PIN4: variants seen among roughly 807,000 people sequenced by gnomAD.
PIN4 encodes peptidyl-prolyl cis-trans isomerase NIMA-interacting 4.
PIN4 carries 3 observed loss-of-function variants against 8.3 expected under a neutral mutation model. The observed-to-expected ratio is 0.36, with a 90% CI of 0.16 to 0.93. The LOEUF (loss-of-function observed/expected upper bound fraction) is 0.93. Ranked by LOEUF, PIN4 falls within the 40% of genes least tolerant of loss-of-function variation. The pLI is 0.44. For missense variants in PIN4, 75 were observed against 100.6 expected (o/e 0.75, Z 1.09); for synonymous variants, 18 against 32.5 (o/e 0.55, Z 1.52).
chrX:72,197,713 A>C lies in PIN4; in HGVS notation c.*187A>C, dbSNP rs1349141102. The C allele has an allele frequency of 9.0e-6, 9 of 1,002,172 alleles. No individual in the cohort carries two copies. Among genetic ancestry groups the C allele is most frequent in the Non-Finnish European group, 1.1e-5 (9 of 791,300 alleles). 82.6% of individuals were successfully genotyped at this position (1,002,172 alleles called of 1,213,427 possible). ...TGTAAGAGAGGGTGGGGCTAAGTGA[A>C]TGTCAACTGTAGTAGGTATTCAGTC... On this transcript the variant is annotated 3_prime_UTR_variant, in exon 4 of 4. Transcript: ENST00000373669.
intron 3 of PIN4, among the ~76,000 whole-genome samples, chrX:72,259,363 C>T (rs969292706): frequency 4.6e-5 from 5 of 108,560 alleles, no homozygotes; most frequent in East Asian, 2.9e-4. Flanking sequence ...GGATTACAGG[C>T]GCCCACCACC....
At chrX:72,221,373 A>T (rs982939376) in intron 3 of PIN4, among the ~76,000 whole-genome samples, 5 of 111,981 alleles carry the variant, frequency 4.5e-5, no homozygotes, top group African/African-American at 1.6e-4. Flanking sequence ...AAAAGCTAGA[A>T]GAAATCTTGG....
Position 72,214,685 on chromosome X carries a change from A to AC in PIN4, c.312+17781_312+17782insC, listed in dbSNP as rs1415299291. On this transcript the variant is annotated intron_variant, in intron 3 of 3. Transcript: ENST00000423432. ...GAGACTCCATCTCAAAAAAAAAAAAAAAAACAAAACAAAAGTTTAGGCCAG... is the reference window on the plus strand; with the variant it reads ...GAGACTCCATCTCAAAAAAAAAAAAACAAAACAAAACAAAAGTTTAGGCCAG... 2.3e-3 allele frequency among the ~76,000 whole-genome samples: 239 copies of AC among 103,575 alleles called. 1 individual carries two copies. The highest frequency in any genetic ancestry group is 7.7e-3 in the African/African-American group (215 of 28,102). 89.9% of individuals were successfully genotyped at this position (103,575 alleles called of 115,157 possible).
At chrX:72,202,106 T>C (rs2042792279), downstream of PIN4, among the ~76,000 whole-genome samples, 1 of 112,906 alleles carries the variant, frequency 8.9e-6, no homozygotes, top group South Asian at 3.6e-4. Context: ...AGCCTTATGT[T>C]CCCTGCCTCC....
At chrX:72,190,121 A>G (rs2042724403) in intron 2 of PIN4, among the ~76,000 whole-genome samples, 1 of 109,546 alleles carries the variant, frequency 9.1e-6, no homozygotes, top group Non-Finnish European at 1.9e-5. Context: ...TAATCTCCCC[A>G]CTTTCTCCTA....
At chrX:72,190,606 A>C (rs746266814) in intron 2 of PIN4, among the ~76,000 whole-genome samples, 2 of 111,546 alleles carry the variant, frequency 1.8e-5, no homozygotes, top group Non-Finnish European at 3.8e-5. Context: ...ATATTTGCTT[A>C]TAGATGAACT....
intron 1 of PIN4, chrX:72,186,100 T>A: frequency 3.7e-6 from 1 of 267,911 alleles, no homozygotes; most frequent in Non-Finnish European, 6.9e-6. Flanking sequence ...CTTGATGTTG[T>A]AAAGCAAGCT....
At chrX:72,208,034 G>C in intron 3 of PIN4, 1 of 1,211,645 alleles carries the variant, frequency 8.3e-7, no homozygotes, top group South Asian at 1.8e-5. Context: ...GGAATAGCAC[G>C]AGCACATATT....
intron 3 of PIN4, among the ~76,000 whole-genome samples, chrX:72,259,693 A>AAC (rs1391232263): frequency 9.3e-6 from 1 of 107,550 alleles, no homozygotes; most frequent in Non-Finnish European, 1.9e-5. Flanking sequence ...GGGGGTTTTG[A>AAC]ACACTGGTAC....
In PIN4 at chrX:72,205,326, G is replaced by A. The variant is rs140206006; in HGVS notation, c.312+8422G>A. Reference sequence around the variant, plus strand: ...TGTTTTCTGAAGACAGTGTTTCTCCGGAAGGATCCTCTTCTGTATACTTGG... The same window carrying A: ...TGTTTTCTGAAGACAGTGTTTCTCCAGAAGGATCCTCTTCTGTATACTTGG... On this transcript the variant is annotated intron_variant, in intron 3 of 3. Transcript: ENST00000423432. The A allele has an allele frequency of 1.7e-4, 207 of 1,210,345 alleles. 1 individual carries two copies. The East Asian group carries it at 2.9e-3, about 17-fold the overall frequency.
intron 3 of PIN4, chrX:72,239,191 G>A: frequency 2.8e-6 from 1 of 351,984 alleles, no homozygotes; most frequent in Non-Finnish European, 5.1e-6. Context: ...TCGAGACACG[G>A]AGTGTGCTGC....
chrX:72,203,291 A>T (rs2147579539), downstream of PIN4, among the ~76,000 whole-genome samples: 1 of 111,977 alleles, frequency 8.9e-6, no homozygotes, highest in African/African-American at 3.2e-5. Context: ...CTTTATAATA[A>T]GCTGGTAATA....
Position 72,205,494 on chromosome X carries a change from T to C in PIN4, c.312+8590T>C, listed in dbSNP as rs773169783. ...TAAGAGACCTCCTAGAAGCCAGAGA[T>C]CTTCTAGAGTTCATAGACTTATTTA... On this transcript the variant is annotated intron_variant, in intron 3 of 3. Coordinates refer to the PIN4 transcript ENST00000423432. 1.7e-5 allele frequency: 20 copies of C among 1,208,990 alleles called. No homozygotes were observed. The African/African-American group carries it at 3.3e-4, about 20-fold the overall frequency.
At chrX:72,205,188 C>T (rs755337816) in intron 3 of PIN4, 31 of 1,209,713 alleles carry the variant, frequency 2.6e-5, no homozygotes, top group South Asian at 8.8e-5. Context: ...TAGCCTCTGC[C>T]GCCTTATCCT....
chrX:72,226,517 G>A (rs763229702), intron 3 of PIN4, among the ~76,000 whole-genome samples: 14 of 112,113 alleles, frequency 1.2e-4, no homozygotes, highest in South Asian at 3.7e-4. Flanking sequence ...AATTTGGAGC[G>A]AGCGGGGCTA....
chrX:72,209,775 T>C (rs750945885), intron 3 of PIN4, among the ~76,000 whole-genome samples: 1 of 111,682 alleles, frequency 9.0e-6, no homozygotes, highest in East Asian at 2.8e-4. Context: ...AAAGAAATCA[T>C]GTCACTCCTC....
At chrX:72,188,369 T>G (rs12847749) in intron 2 of PIN4, among the ~76,000 whole-genome samples, 1 of 111,045 alleles carries the variant, frequency 9.0e-6, no homozygotes, top group Non-Finnish European at 1.9e-5. Context: ...TTTTATTTTT[T>G]TTTTTGAGAC....
At chrX:72,214,784 C>T (rs1391984630) in intron 3 of PIN4, among the ~76,000 whole-genome samples, 1 of 110,901 alleles carries the variant, frequency 9.0e-6, no homozygotes, top group Non-Finnish European at 1.9e-5. Context: ...GTCAGGAGTT[C>T]GAGATTAGCC....
At chrX:72,219,863 AG>A (rs2147594694) in intron 3 of PIN4, among the ~76,000 whole-genome samples, 1 of 109,979 alleles carries the variant, frequency 9.1e-6, no homozygotes, top group Non-Finnish European at 1.9e-5. Context: ...AAAAAAAAAA[AG>A]AACCTCCACT....
Sources: allele counts gnomAD v4.1 joint callset (sites outside exome capture counted in the v4.1 genomes callset), GRCh38; gene constraint gnomAD v4.1.1; transcripts MANE v1.5; gene names NCBI Gene and HGNC (gene_info 2026-07-23, HGNC 2026-07-21).